The following EPHA6 variants were observed in gnomAD, a reference collection of about 807,000 sequenced individuals.
EPHA6 encodes ephrin type-A receptor 6.
EPHA6 carries 50 observed loss-of-function variants against 112.0 expected under a neutral mutation model. The observed-to-expected ratio is 0.45, with a 90% CI of 0.36 to 0.56. EPHA6 has a LOEUF of 0.56. Ranked by LOEUF, EPHA6 falls within the 20% of genes least tolerant of loss-of-function variation. EPHA6 has a pLI of 0.00. For synonymous variants in EPHA6, 529 were observed against 490.7 expected, an observed-to-expected ratio of 1.08 and a Z score of -1.03; for missense variants, 1,280 against 1,417.4, an observed-to-expected ratio of 0.90 and a Z score of 1.56.
chr3:97,349,146 T>G (rs2083678928), intron 5 of EPHA6, among the ~76,000 whole-genome samples: 2 of 152,100 alleles, frequency 1.3e-5, no homozygotes, highest in Non-Finnish European at 2.9e-5. Flanking sequence ...TTTCCACACA[T>G]TATTAAAATC....
intron 14 of EPHA6, among the ~76,000 whole-genome samples, chr3:97,669,465 A>C (rs1003002595): frequency 6.6e-6 from 1 of 151,922 alleles, no homozygotes; most frequent in African/African-American, 2.4e-5. Flanking sequence ...TCCAGGGTAC[A>C]TTTTTAAAAA....
At chr3:97,426,139 A>G (rs1019017953) in intron 6 of EPHA6, among the ~76,000 whole-genome samples, 3 of 152,132 alleles carry the variant, frequency 2.0e-5, no homozygotes, top group African/African-American at 7.2e-5. Flanking sequence ...TCTTTACACC[A>G]TCACCCCACT....
At position 97,749,686 on chromosome 3, in the gene EPHA6, T is replaced by A. The variant is rs1003703190; in HGVS notation, c.*985T>A. Among the ~76,000 whole-genome samples the A allele has an allele frequency of 6.6e-6, 1 of 152,200 alleles. No homozygotes were observed. The highest frequency in any genetic ancestry group is 1.5e-5 in the Non-Finnish European group (1 of 68,026). Reference sequence around the variant, plus strand: ...AAATACGTTAGATTATACCCTTAGATTTAATGTAAAATTATTAATTTAATT... The same window carrying A: ...AAATACGTTAGATTATACCCTTAGAATTAATGTAAAATTATTAATTTAATT... On this transcript the variant is annotated 3_prime_UTR_variant, in exon 18 of 18. Coordinates refer to ENST00000389672, the MANE Select transcript of EPHA6 (RefSeq NM_001080448.3).
Position 97,365,710 on chromosome 3 carries a change from T to G in EPHA6, c.1607-39440T>G, listed in dbSNP as rs2084685237. On this transcript the variant is annotated intron_variant, in intron 5 of 17. Transcript: ENST00000389672. ...GCCAGGACATTTTTATAGATTACAATTTTTTACTCATCTATTTGCGGTAAA... is the reference window on the plus strand; with the variant it reads ...GCCAGGACATTTTTATAGATTACAAGTTTTTACTCATCTATTTGCGGTAAA... Among the ~76,000 whole-genome samples, 3 of 152,152 alleles carry G rather than the reference T, an allele frequency of 2.0e-5. No homozygotes were observed. The South Asian group carries it at 6.2e-4, about 32-fold the overall frequency.
chr3:97,741,703 C>G (rs1314001991), intron 16 of EPHA6, among the ~76,000 whole-genome samples: 1 of 152,098 alleles, frequency 6.6e-6, no homozygotes, highest in Non-Finnish European at 1.5e-5. Flanking sequence ...AACATAGAAT[C>G]ACACAGAAAG....
rs113250969 is a variant in EPHA6 at position 97,486,855 on chromosome 3, C to T, written c.2200+2796C>T. ...TTGCTCAAATTGAAGAAGAACCAGTCGTGTAACATCTGTGTACCACTGGTT... is the reference window on the plus strand; with the variant it reads ...TTGCTCAAATTGAAGAAGAACCAGTTGTGTAACATCTGTGTACCACTGGTT... On this transcript the variant is annotated intron_variant, in intron 10 of 17. Coordinates refer to ENST00000389672, the MANE Select transcript of EPHA6 (RefSeq NM_001080448.3). Among the ~76,000 whole-genome samples the T allele has an allele frequency of 7.8e-3, 1,184 of 152,294 alleles. 24 individuals are homozygous for T. Among genetic ancestry groups the T allele is most frequent in the African/African-American group, 0.027 (1,124 of 41,562 alleles).
chr3:97,520,720 C>G (rs567767895), intron 10 of EPHA6, among the ~76,000 whole-genome samples: 3 of 152,300 alleles, frequency 2.0e-5, no homozygotes, highest in African/African-American at 7.2e-5. Flanking sequence ...TTGGGGATCT[C>G]TAAGCCTCCC....
At chr3:97,459,468 G>C (rs2090813088) in intron 7 of EPHA6, among the ~76,000 whole-genome samples, 1 of 152,190 alleles carries the variant, frequency 6.6e-6, no homozygotes, top group South Asian at 2.1e-4. Flanking sequence ...TGGTGGGGAT[G>C]ATGATCTCAG....
intron 5 of EPHA6, among the ~76,000 whole-genome samples, chr3:97,403,257 A>G (rs927985712): frequency 6.6e-6 from 1 of 152,036 alleles, no homozygotes; most frequent in African/African-American, 2.4e-5. Context: ...AATAAGAAAA[A>G]AGTTTTTCTT....
At chr3:97,182,530 A>G (rs1220908783) in intron 3 of EPHA6, among the ~76,000 whole-genome samples, 4 of 152,014 alleles carry the variant, frequency 2.6e-5, no homozygotes, top group South Asian at 4.1e-4. Flanking sequence ...TTGTTAACAT[A>G]TCATAGTTTT....
chr3:97,307,321 A>G (rs1338134093), intron 5 of EPHA6, among the ~76,000 whole-genome samples: 1 of 151,804 alleles, frequency 6.6e-6, no homozygotes, highest in African/African-American at 2.4e-5. Flanking sequence ...CCCAGATTCA[A>G]ATTCTAATCT....
At chr3:97,299,397 C>A (rs938755049) in intron 5 of EPHA6, among the ~76,000 whole-genome samples, 1 of 152,048 alleles carries the variant, frequency 6.6e-6, no homozygotes, top group Admixed American at 6.6e-5. Flanking sequence ...ACACCAGATG[C>A]TCCAAGGATT....
chr3:97,022,463 T>C (rs2044495657), intron 3 of EPHA6, among the ~76,000 whole-genome samples: 1 of 152,236 alleles, frequency 6.6e-6, no homozygotes, highest in Non-Finnish European at 1.5e-5. Flanking sequence ...CAAAGGTTTT[T>C]CTACATTTCC....
chr3:96,872,957 C>CT (rs538156147), intron 2 of EPHA6, among the ~76,000 whole-genome samples: 9 of 151,968 alleles, frequency 5.9e-5, no homozygotes, highest in Non-Finnish European at 1.0e-4. Flanking sequence ...CTTCCTTTCT[C>CT]TTTTTTTCCC....
intron 3 of EPHA6, among the ~76,000 whole-genome samples, chr3:97,047,868 T>A (rs890726609): frequency 1.3e-5 from 2 of 152,122 alleles, no homozygotes; most frequent in Admixed American, 6.5e-5. Flanking sequence ...GTAGTTGATG[T>A]CGATTTGAGC....
chr3:97,644,927 A>T (rs1312747431), intron 14 of EPHA6, among the ~76,000 whole-genome samples: 2 of 152,064 alleles, frequency 1.3e-5, no homozygotes, highest in South Asian at 2.1e-4. Flanking sequence ...ATCCTCCCTA[A>T]CTCATTTTAT....
intron 5 of EPHA6, among the ~76,000 whole-genome samples, chr3:97,256,372 T>A (rs1221081294): frequency 6.6e-6 from 1 of 151,520 alleles, no homozygotes; most frequent in African/African-American, 2.4e-5. Flanking sequence ...ATGGGAAGAG[T>A]TTTCCTTTAT....
At chr3:97,505,281 C>T (rs969460991) in intron 10 of EPHA6, among the ~76,000 whole-genome samples, 6 of 152,090 alleles carry the variant, frequency 3.9e-5, no homozygotes, top group African/African-American at 7.2e-5. Context: ...TGGTGGTTTG[C>T]TGCACCCATC....
chr3:97,218,602 C>T (rs2078101391), intron 3 of EPHA6, among the ~76,000 whole-genome samples: 1 of 152,140 alleles, frequency 6.6e-6, no homozygotes, highest in African/African-American at 2.4e-5. Context: ...CAATTACCTC[C>T]ACCTGGTCTC....
Sources: allele counts gnomAD v4.1 joint callset (sites outside exome capture counted in the v4.1 genomes callset), GRCh38; gene constraint gnomAD v4.1.1; transcripts MANE v1.5; gene names NCBI Gene and HGNC (gene_info 2026-07-23, HGNC 2026-07-21).